The following ZNF831 variants were observed in gnomAD, a reference collection of about 807,000 sequenced individuals.
The protein encoded by ZNF831 is zinc finger protein 831, also known as chromosome 20 open reading frame 174.
Under a neutral mutation model 95.8 loss-of-function variants are expected in ZNF831, and 59 were observed. That is an observed-to-expected ratio of 0.62 (90% CI 0.50 to 0.77). The LOEUF (loss-of-function observed/expected upper bound fraction) is 0.77. Ranked by LOEUF, ZNF831 falls within the 30% of genes least tolerant of loss-of-function variation. The pLI is 0.00. For missense variants in ZNF831, 2,205 were observed against 2,164.0 expected (o/e 1.02, Z -0.38); for synonymous variants, 961 against 925.5 (o/e 1.04, Z -0.70).
At chr20:59,207,140 C>A in intron 4 of ZNF831, 84 bp downstream of exon 4, 1 of 1,526,898 alleles carries the variant, frequency 6.5e-7, no homozygotes, top group Non-Finnish European at 8.8e-7. Context: ...TTGGGATGGG[C>A]AGGAGTCAGC....
At chr20:59,153,119 A>T (rs1980338106) in intron 2 of ZNF831, among the ~76,000 whole-genome samples, 1 of 151,930 alleles carries the variant, frequency 6.6e-6, no homozygotes, top group Non-Finnish European at 1.5e-5. Flanking sequence ...AGTCCAACAG[A>T]CTCAACAACT....
chr20:59,132,391 C>T lies in ZNF831; in HGVS notation c.-1425+8886C>T, dbSNP rs57185234. ...ATGTTGTCAGGAAAAATTTTCTAGA[C>T]GATTAATCGCTGTGCCCATATTGCC... On this transcript the variant is annotated intron_variant, in intron 1 of 7. Transcript: ENST00000637017. 9.3e-3 allele frequency among the ~76,000 whole-genome samples: 1,402 copies of T among 150,916 alleles called. 16 individuals are homozygous for T. Among genetic ancestry groups the T allele is most frequent in the African/African-American group, 0.031 (1,277 of 41,044 alleles).
chr20:59,162,652 G>C (rs1209498334), upstream of ZNF831, among the ~76,000 whole-genome samples: 1 of 152,122 alleles, frequency 6.6e-6, no homozygotes, highest in Non-Finnish European at 1.5e-5. Flanking sequence ...ATTGGTCTGT[G>C]TGTCTATTTT....
intron 2 of ZNF831, among the ~76,000 whole-genome samples, chr20:59,154,639 T>TA (rs1445917766): frequency 6.6e-6 from 1 of 152,230 alleles, no homozygotes; most frequent in African/African-American, 2.4e-5. Flanking sequence ...GCCTAAGCTC[T>TA]ATGTCATCTG....
At position 59,194,305 on chromosome 20, in the gene ZNF831, C is replaced by T. The variant is rs761224004; in HGVS notation, c.3286C>T (p.Pro1096Ser). The T allele has an allele frequency of 6.2e-7, 1 of 1,613,916 alleles. No homozygotes were observed. ...RARLSGDVLN[P>S]WVPNWELGEP... ...CAGGCTCTCTGGGGATGTCCTGAAT[C>T]CCTGGGTACCCAACTGGGAGCTGGG... Residue 1096 changes from proline (P) to serine (S), a missense_variant, in exon 2 of 6, where the codon CCC becomes TCC. Physicochemically the swap from Pro to Ser is moderately conservative, Grantham distance 74 (BLOSUM62 -1). Transcript: ENST00000371030.
At chr20:59,185,354 G>A (rs1053494885) in intron 1 of ZNF831, among the ~76,000 whole-genome samples, 2 of 152,154 alleles carry the variant, frequency 1.3e-5, no homozygotes, top group African/African-American at 2.4e-5. Context: ...AATGATCATC[G>A]TGGCAGGTGT....
Position 59,252,999 on chromosome 20 carries a change from C to T in ZNF831, c.4049C>T (p.Pro1350Leu). The T allele has an allele frequency of 6.2e-7, 1 of 1,613,860 alleles. No individual in the cohort carries two copies. The highest frequency in any genetic ancestry group is 1.3e-5 in the African/African-American group (1 of 75,026). The change falls in exon 5 of 6, where the codon CCA becomes CTA. Residue 1350 changes from proline (P) to leucine (L), a missense_variant. Physicochemically the swap from Pro to Leu is moderately conservative, Grantham distance 98 (BLOSUM62 -3). Transcript: ENST00000371030. ...GCAGGTCTGAATCTGCAAGAGGAGC[C>T]ATCTTGTGCCACCTCAGAATCACCT... ...EIAGLNLQEE[P>L]SCATSESPPC...
intron 1 of ZNF831, among the ~76,000 whole-genome samples, chr20:59,136,980 G>C (rs1336330733): frequency 1.3e-5 from 2 of 152,184 alleles, no homozygotes; most frequent in Admixed American, 6.5e-5. Flanking sequence ...CCACCCCTTT[G>C]TTCCTCCTGG....
At chr20:59,226,808 T>G (rs1299404591) in intron 4 of ZNF831, among the ~76,000 whole-genome samples, 1 of 151,994 alleles carries the variant, frequency 6.6e-6, no homozygotes, top group African/African-American at 2.4e-5. Flanking sequence ...GCCACTTGTT[T>G]GAGTCATCTA....
upstream of ZNF831, among the ~76,000 whole-genome samples, chr20:59,163,474 G>T (rs1981008743): frequency 6.6e-6 from 1 of 152,168 alleles, no homozygotes; most frequent in African/African-American, 2.4e-5. Context: ...AATTGCAGTG[G>T]AAATGCTCAT....
In ZNF831 at chr20:59,154,365, G is replaced by A. The variant is rs73135111; in HGVS notation, c.-1280-5287G>A. Among the ~76,000 whole-genome samples the A allele has an allele frequency of 5.2e-3, 795 of 152,232 alleles. 1 individual carries two copies. The highest frequency in any genetic ancestry group is 8.1e-3 in the Non-Finnish European group (550 of 68,000). ...TGTTGGGACAGGACCCAGGTGGTGC[G>A]GTCCCAGAGCAGTGAGCAGAAAGCA... On this transcript the variant is annotated intron_variant, in intron 2 of 7. Coordinates refer to the ZNF831 transcript ENST00000637017.
intron 4 of ZNF831, among the ~76,000 whole-genome samples, chr20:59,236,958 A>G (rs1211096321): frequency 6.6e-6 from 1 of 152,120 alleles, no homozygotes; most frequent in Non-Finnish European, 1.5e-5. Context: ...CGAACCTGCA[A>G]TTACTGGAGT....
chr20:59,185,353 C>T (rs1156489365), intron 1 of ZNF831, among the ~76,000 whole-genome samples: 1 of 152,170 alleles, frequency 6.6e-6, no homozygotes, highest in Admixed American at 6.5e-5. Flanking sequence ...AAATGATCAT[C>T]GTGGCAGGTG....
chr20:59,231,011 T>G (rs540735712), intron 4 of ZNF831, among the ~76,000 whole-genome samples: 4 of 152,348 alleles, frequency 2.6e-5, no homozygotes, highest in African/African-American at 7.2e-5. Flanking sequence ...TCCCCTTATT[T>G]TTTTGTGGTC....
intron 4 of ZNF831, among the ~76,000 whole-genome samples, chr20:59,231,966 T>G (rs1181589918): frequency 6.6e-6 from 1 of 152,232 alleles, no homozygotes; most frequent in Non-Finnish European, 1.5e-5. Context: ...TTGTCACCAC[T>G]GCATGAAGTG....
intron 1 of ZNF831, among the ~76,000 whole-genome samples, chr20:59,137,176 G>A (rs1350969624): frequency 6.6e-6 from 1 of 152,090 alleles, no homozygotes; most frequent in Non-Finnish European, 1.5e-5. Context: ...CTGTTATTTG[G>A]GGTCTCTATT....
In ZNF831 at chr20:59,257,330, G is replaced by T. The variant is rs565784369; in HGVS notation, c.*2587G>T. The T allele has an allele frequency of 3.9e-5, 6 of 152,214 alleles. No individual in the cohort carries two copies. Among genetic ancestry groups the T allele is most frequent in the African/African-American group, 1.4e-4 (6 of 41,510 alleles). 9.4% of individuals were successfully genotyped at this position (152,214 alleles called of 1,614,324 possible). On this transcript the variant is annotated 3_prime_UTR_variant, in exon 6 of 6. Transcript: ENST00000371030. ...ATTTGTGAAAAAGCTGTATGTCAAT[G>T]GATTTTTTAAAAATTAAAAATGTAT...
intron 1 of ZNF831, among the ~76,000 whole-genome samples, chr20:59,186,292 G>C (rs1014249603): frequency 2.6e-5 from 4 of 152,246 alleles, no homozygotes; most frequent in Admixed American, 2.6e-4. Context: ...AACCCACCCC[G>C]AGACAGCATC....
At chr20:59,195,336 T>C (rs1335559193) in intron 2 of ZNF831, among the ~76,000 whole-genome samples, 2 of 152,362 alleles carry the variant, frequency 1.3e-5, no homozygotes, top group East Asian at 3.9e-4. Context: ...CTGGTTGTGA[T>C]GACTGAGGGC....
Sources: gnomAD v4.1 joint callset for allele counts (sites outside exome capture counted in the v4.1 genomes callset) on GRCh38, gnomAD v4.1.1 for gene constraint, MANE v1.5 for transcripts, NCBI Gene and HGNC (gene_info 2026-07-23, HGNC 2026-07-21) for gene names.